PARVB: variants seen among roughly 807,000 people sequenced by gnomAD.
PARVB encodes parvin beta, also known as beta-parvin.
Under a neutral mutation model 47.0 loss-of-function variants are expected in PARVB, and 46 were observed. The ratio of observed to expected loss-of-function variants is 0.98; its 90% CI spans 0.77 to 1.25. PARVB has a LOEUF of 1.25. Ranked by LOEUF, PARVB falls within the 50% of genes most tolerant of loss-of-function variation. The probability of loss-of-function intolerance (pLI) is 0.00; values close to 1 mark genes in which losing one functional copy is unlikely to be tolerated. For synonymous variants in PARVB, 196 were observed against 196.3 expected, an observed-to-expected ratio of 1.00 and a Z score of 0.01; for missense variants, 473 against 471.6, an observed-to-expected ratio of 1.00 and a Z score of -0.03.
At chr22:44,045,218 C>T (rs889555699) in intron 1 of PARVB, among the ~76,000 whole-genome samples, 1 of 152,136 alleles carries the variant, frequency 6.6e-6, no homozygotes, top group Non-Finnish European at 1.5e-5. Flanking sequence ...TGCACCACTG[C>T]ACTCCAGCCT....
intron 6 of PARVB, among the ~76,000 whole-genome samples, chr22:44,136,082 G>C (rs1219242216): frequency 6.6e-6 from 1 of 152,224 alleles, no homozygotes; most frequent in East Asian, 1.9e-4. Flanking sequence ...GATTGCAGGG[G>C]ATGTTCCCTG....
chr22:44,004,579 G>A (rs1184901354), intron 2 of PARVB, among the ~76,000 whole-genome samples: 4 of 152,296 alleles, frequency 2.6e-5, no homozygotes, highest in African/African-American at 9.6e-5. Flanking sequence ...TAGGTGGCAA[G>A]ACATGTTTCT....
chr22:44,026,169 G>A (rs752282666), intron 1 of PARVB: 4 of 242,428 alleles, frequency 1.6e-5, no homozygotes, highest in Non-Finnish European at 2.0e-5. Flanking sequence ...CCAAAGTAAT[G>A]GACTGGGCCC....
chr22:44,040,213 A>G (rs1031197236), intron 1 of PARVB, among the ~76,000 whole-genome samples: 1 of 152,236 alleles, frequency 6.6e-6, no homozygotes, highest in Non-Finnish European at 1.5e-5. Context: ...CAAGGAAATA[A>G]AAGAACTATA....
chr22:44,114,249 T>A, intron 3 of PARVB: 1 of 145,020 alleles, frequency 6.9e-6, no homozygotes, highest in Admixed American at 6.9e-5. Flanking sequence ...ACAGATACAT[T>A]GTTACTAACT....
chr22:44,084,700 C>T (rs1235787005), intron 1 of PARVB, among the ~76,000 whole-genome samples: 2 of 152,190 alleles, frequency 1.3e-5, no homozygotes, highest in African/African-American at 4.8e-5. Context: ...GACTTTCCCT[C>T]CCCAGCTTCC....
chr22:44,110,637 G>T (rs941980352), intron 3 of PARVB: 6 of 151,930 alleles, frequency 3.9e-5, no homozygotes, highest in Non-Finnish European at 5.9e-5. Flanking sequence ...ATGGAGTCTT[G>T]CTCTGTTGCT....
intron 1 of PARVB, among the ~76,000 whole-genome samples, chr22:44,085,684 G>A (rs1410364832): frequency 6.6e-6 from 1 of 152,152 alleles, no homozygotes; most frequent in Non-Finnish European, 1.5e-5. Context: ...AATCCTTCAC[G>A]AGCCTTCTGT....
intron 6 of PARVB, among the ~76,000 whole-genome samples, chr22:44,133,514 T>A (rs901075080): frequency 7.9e-5 from 12 of 152,240 alleles, no homozygotes; most frequent in African/African-American, 2.9e-4. Context: ...ACCTTTCTCT[T>A]GCTATTTCCC....
At chr22:44,162,991 T>A (rs1388199716) in intron 11 of PARVB, 1 of 152,206 alleles carries the variant, frequency 6.6e-6, no homozygotes, top group South Asian at 2.1e-4. Flanking sequence ...CGATCTGACT[T>A]CCGTTCTGAC....
intron 3 of PARVB, among the ~76,000 whole-genome samples, chr22:44,100,883 G>A (rs2052427261): frequency 6.6e-6 from 1 of 152,198 alleles, no homozygotes; most frequent in African/African-American, 2.4e-5. Context: ...GCACACGGCT[G>A]TGGCAGACAC....
Position 44,155,647 on chromosome 22 carries a change from G to A in PARVB, c.844-2335G>A, listed in dbSNP as rs909273016. On this transcript the variant is annotated intron_variant, in intron 10 of 12. Coordinates refer to ENST00000338758, the MANE Select transcript of PARVB (RefSeq NM_013327.5). This position sits in a 1 kb window ranked among gnomAD's most constrained non-coding sequence, Gnocchi z 4.8. ...CCTGGAAGTTAGTCCATGGAGACGT[G>A]GGCATGGCAGCTCAATGTTGTTCTG... is the stretch of plus-strand genomic sequence containing the variant. Among the ~76,000 whole-genome samples the A allele has an allele frequency of 4.6e-5, 7 of 152,170 alleles. No homozygotes were observed. The highest frequency in any genetic ancestry group is 4.6e-4 in the Admixed American group (7 of 15,282).
Position 44,122,512 on chromosome 22 carries a change from G to C in PARVB, c.376+3372G>C, listed in dbSNP as rs560525508. 6.0e-3 allele frequency among the ~76,000 whole-genome samples: 545 copies of C among 91,176 alleles called. 30 individuals carry two copies. Among genetic ancestry groups the C allele is most frequent in the African/African-American group, 0.033 (499 of 15,166 alleles). The allele number at this position is 91,176 out of a possible 152,430, so 59.8% of individuals were successfully genotyped here. Reference sequence around the variant, plus strand: ...CAAGAGAGAGAGAGAGAGAGAGAGAGAGAGAGACAGAGAGACAGAGAGAGA... The same window carrying C: ...CAAGAGAGAGAGAGAGAGAGAGAGACAGAGAGACAGAGAGACAGAGAGAGA... On this transcript the variant is annotated intron_variant, in intron 4 of 12. Transcript: ENST00000338758.
intron 1 of PARVB, among the ~76,000 whole-genome samples, chr22:44,056,142 C>T (rs5764490): frequency 0.27 from 41,751 of 152,180 alleles, 8,011 homozygotes; most frequent in African/African-American, 0.55. Flanking sequence ...GGGAGCCCCA[C>T]CGTGCGTGCT....
chr22:44,155,321 T>A lies in PARVB; in HGVS notation c.844-2661T>A, dbSNP rs1205371998. On this transcript the variant is annotated intron_variant, in intron 10 of 12. Transcript: ENST00000338758. This position sits in a 1 kb window ranked among gnomAD's most constrained non-coding sequence, Gnocchi z 4.8. ...GAGGCGGTGGTGGGGCCTCTGGGCC[T>A]CCGTGGGGATTCTGCTCCCTGCTGA... 6.6e-6 allele frequency among the ~76,000 whole-genome samples: 1 copy of A among 152,066 alleles called. No individual in the cohort carries two copies. The highest frequency in any genetic ancestry group is 2.4e-5 in the African/African-American group (1 of 41,394).
intron 1 of PARVB, among the ~76,000 whole-genome samples, chr22:44,073,776 G>A (rs1410371172): frequency 2.0e-5 from 3 of 152,240 alleles, no homozygotes; most frequent in South Asian, 2.1e-4. Context: ...CCAAGGCAGC[G>A]GTTCTGGGAC....
intron 6 of PARVB, among the ~76,000 whole-genome samples, chr22:44,134,611 T>C (rs528656615): frequency 6.6e-6 from 1 of 152,282 alleles, no homozygotes; most frequent in East Asian, 1.9e-4. Flanking sequence ...GGGGGTCCTG[T>C]GAACCGGGCG....
At chr22:44,119,243 G>A (rs934776138) in intron 4 of PARVB, 103 bp downstream of exon 4, 1 of 816,566 alleles carries the variant, frequency 1.2e-6, no homozygotes, top group African/African-American at 1.7e-5. Context: ...ACAGGTCCTA[G>A]GAAGACACTC....
chr22:44,003,465 G>T (rs182532135), intron 2 of PARVB, among the ~76,000 whole-genome samples: 1 of 152,146 alleles, frequency 6.6e-6, no homozygotes, highest in South Asian at 2.1e-4. Flanking sequence ...TTCCTGGGAT[G>T]TTCTGTATCT....
Sources: allele counts gnomAD v4.1 joint callset (sites outside exome capture counted in the v4.1 genomes callset), GRCh38; gene constraint gnomAD v4.1.1; non-coding constraint Gnocchi (gnomAD v3.1); transcripts MANE v1.5; gene names NCBI Gene and HGNC (gene_info 2026-07-23, HGNC 2026-07-21).